The following FBXO25 variants were observed in gnomAD, a reference collection of about 807,000 sequenced individuals.
FBXO25 encodes F-box protein 25.
Under a neutral mutation model 51.9 loss-of-function variants are expected in FBXO25, and 45 were observed. The observed-to-expected ratio is 0.87, with a 90% CI of 0.68 to 1.11. The LOEUF is 1.11. FBXO25 is among the 50% of genes most tolerant of loss of function. The pLI, the probability that FBXO25 is intolerant of heterozygous loss-of-function variation, is 0.00. For synonymous variants in FBXO25, 199 were observed against 151.0 expected (o/e 1.32, Z -2.33); for missense variants, 507 against 428.5 (o/e 1.18, Z -1.62).
intron 2 of FBXO25, among the ~76,000 whole-genome samples, chr8:430,023 C>G (rs1282422927): frequency 6.6e-6 from 1 of 152,234 alleles, no homozygotes; most frequent in South Asian, 2.1e-4. Context: ...TTTTCTGTCC[C>G]ATGCTCACAT....
At position 415,886 on chromosome 8, in the gene FBXO25, G is replaced by T. The variant is rs923237652; in HGVS notation, c.134+2673G>T. Among the ~76,000 whole-genome samples the T allele has an allele frequency of 1.1e-4, 16 of 152,170 alleles. 1 individual carries two copies. The highest frequency in any genetic ancestry group is 3.9e-4 in the African/African-American group (16 of 41,432). Reference sequence around the variant, plus strand: ...TTCTAACCTTTTCCATCAGATTTCAGTGTTATTATGGGCACTGTAATTGCC... The same window carrying T: ...TTCTAACCTTTTCCATCAGATTTCATTGTTATTATGGGCACTGTAATTGCC... On this transcript the variant is annotated intron_variant, in intron 2 of 9. Coordinates refer to ENST00000350302, the MANE Select transcript of FBXO25 (RefSeq NM_183420.2).
In FBXO25 at chr8:458,567, C is replaced by T. The variant is rs1799603275; in HGVS notation, c.843+16C>T. The T allele has an allele frequency of 3.7e-6, 6 of 1,611,976 alleles. No individual in the cohort carries two copies. The highest frequency in any genetic ancestry group is 5.1e-6 in the Non-Finnish European group (6 of 1,178,726). ...TGAAAAGCAGGTGAGTGGGATGCAG[C>T]AGTCTCCCCTCAGGCTGGGAGTTTA... On this transcript the variant is annotated intron_variant, in intron 8 of 9. Coordinates refer to ENST00000350302, the MANE Select transcript of FBXO25 (RefSeq NM_183420.2).
At chr8:468,662 A>G (rs1800346753) in intron 9 of FBXO25, 53 bp from the exon 10 acceptor site, 3 of 1,411,054 alleles carry the variant, frequency 2.1e-6, no homozygotes, top group African/African-American at 2.8e-5. Flanking sequence ...CACCATCACT[A>G]GAGTGTGGCT....
chr8:467,444 T>C (rs536828107), intron 9 of FBXO25, among the ~76,000 whole-genome samples: 16 of 152,376 alleles, frequency 1.1e-4, no homozygotes, highest in African/African-American at 3.8e-4. Context: ...GCCTCATTAG[T>C]TGCCAAATTT....
rs748984763 is a variant in FBXO25, at chr8:458,485, G to A, written c.777G>A (p.Leu259=). The A allele has an allele frequency of 4.3e-6, 7 of 1,614,160 alleles. No individual in the cohort carries two copies. The Admixed American group carries it at 1.2e-4, about 27-fold the overall frequency. Residue 259 remains leucine, a synonymous_variant, in exon 8 of 10, where the codon TTG becomes TTA. Coordinates refer to ENST00000350302, the MANE Select transcript of FBXO25 (RefSeq NM_183420.2). ...CCTTAGGCCAGGTGACCCCCACGTT[G>A]TATATGCTTAGTGAAGACAGACAGC... ...IITLGQVTPT[L]YMLSEDRQLW...
intron 2 of FBXO25, among the ~76,000 whole-genome samples, chr8:429,675 C>T (rs769007396): frequency 6.6e-6 from 1 of 152,174 alleles, no homozygotes; most frequent in Non-Finnish European, 1.5e-5. Context: ...GCTTTTTCCC[C>T]GTTTAAAATA....
chr8:430,725 C>T (rs1411045238), intron 2 of FBXO25, among the ~76,000 whole-genome samples: 2 of 152,074 alleles, frequency 1.3e-5, no homozygotes, highest in Non-Finnish European at 2.9e-5. Flanking sequence ...AAAAGGTGTT[C>T]CCATTGTTTA....
chr8:416,301 T>C (rs1473073340), intron 2 of FBXO25, among the ~76,000 whole-genome samples: 1 of 152,340 alleles, frequency 6.6e-6, no homozygotes, highest in South Asian at 2.1e-4. Flanking sequence ...TCCCCATCTT[T>C]TCAAAACAAC....
At chr8:416,465 T>C (rs1796808309) in intron 2 of FBXO25, among the ~76,000 whole-genome samples, 1 of 152,258 alleles carries the variant, frequency 6.6e-6, no homozygotes, top group Non-Finnish European at 1.5e-5. Flanking sequence ...TTATTTTTGT[T>C]AATTATCTCA....
In FBXO25 at chr8:451,445, A is replaced by G. The variant is rs200670984; in HGVS notation, c.652A>G (p.Met218Val). 145 of 1,613,436 alleles carry G rather than the reference A, an allele frequency of 9.0e-5. No individual in the cohort carries two copies. The highest frequency in any genetic ancestry group is 6.6e-4 in the Middle Eastern group (4 of 6,058). ...GCAACAACAGCTACAGGATCTTCAG[A>G]TGACTAAGGTATAAATATCTCGGCA... ...AWQQQLQDLQ[M>V]TKQVNNGLTL... Residue 218 changes from methionine (M) to valine (V), a missense_variant, in exon 7 of 10, where the codon ATG becomes GTG. Physicochemically the swap from Met to Val is conservative, Grantham distance 21. Coordinates refer to ENST00000350302, the MANE Select transcript of FBXO25 (RefSeq NM_183420.2).
Position 474,666 on chromosome 8 carries a change from C to A in FBXO25, c.*5862C>A, listed in dbSNP as rs188543547. 1 of 445,426 alleles carries A rather than the reference C, an allele frequency of 2.2e-6. No individual in the cohort carries two copies. 27.6% of individuals were successfully genotyped at this position (445,426 alleles called of 1,614,324 possible). ...ATCTGTTTGTTGGCCGTTTATATGT[C>A]GTCTTTGGAGAAATGTCTATTTGGG... On this transcript the variant is annotated 3_prime_UTR_variant, in exon 10 of 10. Coordinates refer to ENST00000350302, the MANE Select transcript of FBXO25 (RefSeq NM_183420.2).
At chr8:424,736 C>G (rs1441384219) in intron 2 of FBXO25, among the ~76,000 whole-genome samples, 2 of 152,040 alleles carry the variant, frequency 1.3e-5, no homozygotes, top group African/African-American at 4.8e-5. Flanking sequence ...GTTTTTGTAC[C>G]AGTACAGAAG....
intron 2 of FBXO25, among the ~76,000 whole-genome samples, chr8:421,918 T>G (rs976762782): frequency 6.6e-6 from 1 of 152,006 alleles, no homozygotes; most frequent in African/African-American, 2.4e-5. Context: ...GATTATAACC[T>G]AAAAAAGAAA....
intron 2 of FBXO25, among the ~76,000 whole-genome samples, chr8:416,758 T>G (rs530963192): frequency 3.3e-5 from 5 of 152,302 alleles, no homozygotes; most frequent in Non-Finnish European, 7.4e-5. Flanking sequence ...CCACAATATA[T>G]TAAGGATTTA....
At chr8:437,719 G>C (rs1798184527) in intron 5 of FBXO25, among the ~76,000 whole-genome samples, 1 of 151,046 alleles carries the variant, frequency 6.6e-6, no homozygotes, top group Non-Finnish European at 1.5e-5. Context: ...TCTTCTGTTG[G>C]CTTTCTTTCA....
chr8:416,272 C>A (rs1376290474), intron 2 of FBXO25, among the ~76,000 whole-genome samples: 1 of 152,196 alleles, frequency 6.6e-6, no homozygotes, highest in African/African-American at 2.4e-5. Flanking sequence ...CTCTGATGTT[C>A]GGCTCCCTAC....
At chr8:444,492 G>C (rs1431896720) in intron 5 of FBXO25, among the ~76,000 whole-genome samples, 1 of 152,038 alleles carries the variant, frequency 6.6e-6, no homozygotes, top group African/African-American at 2.4e-5. Context: ...CTAATTCTTT[G>C]AAATGATTAA....
intron 7 of FBXO25, among the ~76,000 whole-genome samples, chr8:456,201 T>A (rs1563093016): frequency 6.6e-6 from 1 of 152,214 alleles, no homozygotes; most frequent in African/African-American, 2.4e-5. Context: ...GCACGTTATC[T>A]TTTTGTTTTG....
chr8:453,892 G>A (rs1177096371), intron 7 of FBXO25, among the ~76,000 whole-genome samples: 1 of 152,126 alleles, frequency 6.6e-6, no homozygotes, highest in Non-Finnish European at 1.5e-5. Flanking sequence ...GGGAGGCCAA[G>A]TCAGGTGGAT....
Sources: gnomAD v4.1 joint callset for allele counts (sites outside exome capture counted in the v4.1 genomes callset) on GRCh38, gnomAD v4.1.1 for gene constraint, MANE v1.5 for transcripts, NCBI Gene and HGNC (gene_info 2026-07-23, HGNC 2026-07-21) for gene names.